The following PEX7 variants were observed in gnomAD, a reference collection of about 807,000 sequenced individuals.
The protein encoded by PEX7 is peroxisomal biogenesis factor 7, also known as PTS2 receptor.
A neutral mutation model predicts 47.5 loss-of-function variants in PEX7; 34 were observed. The observed-to-expected ratio is 0.72, with a 90% CI of 0.54 to 0.95. The LOEUF (loss-of-function observed/expected upper bound fraction) is 0.95. Among genes scored for constraint, PEX7 ranks in the 40% least tolerant of loss-of-function variants. The probability of loss-of-function intolerance (pLI) is 0.00; values close to 1 mark genes in which losing one functional copy is unlikely to be tolerated. For missense variants in PEX7, 394 were observed against 400.3 expected (o/e 0.98, Z 0.13); for synonymous variants, 141 against 148.8 (o/e 0.95, Z 0.38).
rs1292504513 is a variant in PEX7 at position 136,822,726 on chromosome 6, G to A, written c.61G>A (p.Ala21Thr). 3 of 1,513,544 alleles carry A rather than the reference G, an allele frequency of 2.0e-6. No individual in the cohort carries two copies. Among genetic ancestry groups the A allele is most frequent in the East Asian group, 5.2e-5 (2 of 38,298 alleles). The allele number at this position is 1,513,544 out of a possible 1,614,324, so 93.8% of individuals were successfully genotyped here. A position where few individuals can be genotyped will look rare whatever the true frequency, so the allele number is the denominator to read the frequency against. ...GCGGACGCCGGGACGCCACGGCTAC[G>A]CCGCCGAGTTCTCCCCGTACCTGCC... ...MLRTPGRHGYAAEFSPYLPGR... is the reference protein window; with the variant it reads ...MLRTPGRHGYTAEFSPYLPGR... The change falls in exon 1 of 10, where the codon GCC (alanine) becomes ACC (threonine). Residue 21 changes from alanine (A) to threonine (T), a missense_variant. Physicochemically the swap from Ala to Thr is moderately conservative, Grantham distance 58. Coordinates refer to ENST00000318471, the MANE Select transcript of PEX7 (RefSeq NM_000288.4).
At chr6:136,848,781 T>C (rs886137967) in intron 5 of PEX7, among the ~76,000 whole-genome samples, 4 of 152,246 alleles carry the variant, frequency 2.6e-5, no homozygotes, top group Non-Finnish European at 4.4e-5. Flanking sequence ...TTTGCATTGA[T>C]GTTCATCAGG....
chr6:136,843,979 C>A (rs1450607317), intron 3 of PEX7, among the ~76,000 whole-genome samples: 2 of 152,066 alleles, frequency 1.3e-5, no homozygotes, highest in Non-Finnish European at 1.5e-5. Context: ...ATGCAAAAAA[C>A]CCATTATGAA....
In PEX7 at chr6:136,900,862, G is replaced by T; in HGVS notation, c.903+2621G>T. The stretch of plus-strand genomic sequence containing the variant: ...TCTTCTCTTGCTTTGTCTCTGGTCT[G>T]TATTATGGGCCAGCTTATGTAGTTG... On this transcript the variant is annotated intron_variant, in intron 9 of 9. Transcript: ENST00000318471. The surrounding 1 kb of genome is among the most constrained non-coding windows in gnomAD (Gnocchi z 4.2). 7.1e-6 allele frequency: 2 copies of T among 283,134 alleles called. No homozygotes were observed. Among genetic ancestry groups the T allele is most frequent in the Non-Finnish European group, 6.7e-6 (1 of 148,152 alleles). The allele number at this position is 283,134 out of a possible 1,614,324, so 17.5% of individuals were successfully genotyped here.
Position 136,869,907 on chromosome 6 carries a change from G to A in PEX7, c.651G>A (p.Gly217=). The part of the protein sequence containing the change: ...CKYNENLLVT[G]AVDCSLRGWD... ...GTTTTTAGAATTTGCTGGTGACCGGGGCGGTTGACTGTAGTTTGAGAGGCT... is the reference window on the plus strand; with the variant it reads ...GTTTTTAGAATTTGCTGGTGACCGGAGCGGTTGACTGTAGTTTGAGAGGCT... The change falls in exon 7 of 10, where the codon GGG becomes GGA. Residue 217 remains glycine, a synonymous_variant. Coordinates refer to ENST00000318471, the MANE Select transcript of PEX7 (RefSeq NM_000288.4). 6.2e-7 allele frequency: 1 copy of A among 1,613,928 alleles called. No homozygotes were observed. Among genetic ancestry groups the A allele is most frequent in the Non-Finnish European group, 8.5e-7 (1 of 1,179,830 alleles).
chr6:136,830,837 A>C (rs559409594), intron 3 of PEX7, among the ~76,000 whole-genome samples: 137 of 152,340 alleles, frequency 9.0e-4, no homozygotes, highest in African/African-American at 3.3e-3. Flanking sequence ...TTGTTCTCAT[A>C]GTCAAATAAC....
intron 3 of PEX7, among the ~76,000 whole-genome samples, chr6:136,833,469 C>T (rs1774330335): frequency 6.6e-6 from 1 of 152,186 alleles, no homozygotes; most frequent in Non-Finnish European, 1.5e-5. Context: ...TTCAGAAATG[C>T]ATTTATGTTT....
intron 3 of PEX7, among the ~76,000 whole-genome samples, chr6:136,844,023 A>C (rs1774550670): frequency 6.6e-6 from 1 of 152,184 alleles, no homozygotes; most frequent in Non-Finnish European, 1.5e-5. Flanking sequence ...TTTGAAGCTT[A>C]ATATTAATTT....
intron 5 of PEX7, among the ~76,000 whole-genome samples, chr6:136,847,957 T>C (rs1774659794): frequency 1.3e-5 from 2 of 152,230 alleles, no homozygotes; most frequent in Non-Finnish European, 2.9e-5. Context: ...TTTCACGATA[T>C]TGATTCTTCC....
intron 8 of PEX7, among the ~76,000 whole-genome samples, chr6:136,894,276 G>A (rs1562755508): frequency 6.6e-6 from 1 of 151,968 alleles, no homozygotes; most frequent in Admixed American, 6.6e-5. Flanking sequence ...GACCAACATG[G>A]TGAAACCCCG....
At chr6:136,866,347 G>A (rs1775071721) in intron 5 of PEX7, among the ~76,000 whole-genome samples, 3 of 151,920 alleles carry the variant, frequency 2.0e-5, no homozygotes, top group Admixed American at 2.0e-4. Flanking sequence ...TTCCTGCCTC[G>A]AACACACACC....
intron 9 of PEX7, among the ~76,000 whole-genome samples, chr6:136,907,483 G>C (rs1337730008): frequency 1.3e-5 from 2 of 149,002 alleles, no homozygotes; most frequent in Non-Finnish European, 2.9e-5. Flanking sequence ...AGAGTTAACT[G>C]TGATTTTTTT....
intron 1 of PEX7, among the ~76,000 whole-genome samples, chr6:136,824,304 G>C (rs906006730): frequency 1.3e-5 from 2 of 152,086 alleles, no homozygotes; most frequent in Admixed American, 1.3e-4. Flanking sequence ...GGGCTCATAT[G>C]ATCCTCCTGT....
chr6:136,908,636 G>A (rs1775882755), intron 9 of PEX7, among the ~76,000 whole-genome samples: 1 of 152,068 alleles, frequency 6.6e-6, no homozygotes, highest in African/African-American at 2.4e-5. Context: ...GCCCTTGAGT[G>A]TCCACATGCA....
chr6:136,832,888 A>C (rs1386906117), intron 3 of PEX7, among the ~76,000 whole-genome samples: 1 of 152,204 alleles, frequency 6.6e-6, no homozygotes, highest in Non-Finnish European at 1.5e-5. Flanking sequence ...TCATATCACT[A>C]TTAGCATTTT....
chr6:136,844,730 T>C (rs1774563894), intron 3 of PEX7, among the ~76,000 whole-genome samples: 1 of 152,216 alleles, frequency 6.6e-6, no homozygotes, highest in South Asian at 2.1e-4. Flanking sequence ...ATTCCACCTA[T>C]AAGTGACGGG....
At chr6:136,873,420 A>G (rs1475424836) in intron 8 of PEX7, among the ~76,000 whole-genome samples, 2 of 152,172 alleles carry the variant, frequency 1.3e-5, no homozygotes, top group Non-Finnish European at 2.9e-5. Flanking sequence ...AAAGGTAAAC[A>G]TATGTAGTTT....
intron 9 of PEX7, among the ~76,000 whole-genome samples, chr6:136,911,856 G>C (rs1775938758): frequency 6.6e-6 from 1 of 152,192 alleles, no homozygotes; most frequent in Non-Finnish European, 1.5e-5. Flanking sequence ...AACTTGGTAA[G>C]AAACGGCCAA....
chr6:136,881,229 A>AACC, intron 8 of PEX7, among the ~76,000 whole-genome samples: 1 of 152,296 alleles, frequency 6.6e-6, no homozygotes, highest in East Asian at 1.9e-4. Flanking sequence ...AACAGGAGGA[A>AACC]ACCTTAGAGC....
chr6:136,841,919 C>T (rs1013106224), intron 3 of PEX7, among the ~76,000 whole-genome samples: 2 of 150,236 alleles, frequency 1.3e-5, no homozygotes, highest in South Asian at 2.1e-4. Flanking sequence ...AAAAAAAAAC[C>T]CACACAGTCT....
Sources: allele counts gnomAD v4.1 joint callset (sites outside exome capture counted in the v4.1 genomes callset), GRCh38; gene constraint gnomAD v4.1.1; non-coding constraint Gnocchi (gnomAD v3.1); transcripts MANE v1.5; gene names NCBI Gene and HGNC (gene_info 2026-07-23, HGNC 2026-07-21).